Variants in MGST1 observed in about 807,000 individuals in gnomAD.
MGST1 encodes the protein glutathione S-transferase 12.
In MGST1, 5 loss-of-function variants were observed where a neutral mutation model predicts 8.9. The ratio of observed to expected loss-of-function variants is 0.56; its 90% CI spans 0.29 to 1.19. The LOEUF is 1.19. Ranked by LOEUF, MGST1 falls within the 50% of genes most tolerant of loss-of-function variation. The pLI is 0.08. For synonymous variants in MGST1, 54 were observed against 67.8 expected, an observed-to-expected ratio of 0.80 and a Z score of 1.00; for missense variants, 182 against 187.4, an observed-to-expected ratio of 0.97 and a Z score of 0.17.
chr12:16,515,955 G>T (rs1263303623), intron 4 of MGST1, among the ~76,000 whole-genome samples: 2 of 152,166 alleles, frequency 1.3e-5, no homozygotes, highest in African/African-American at 4.8e-5. Flanking sequence ...ACCACCATCT[G>T]CTCTAATTAT....
At chr12:16,489,524 T>C (rs1298757203) in intron 4 of MGST1, among the ~76,000 whole-genome samples, 1 of 152,214 alleles carries the variant, frequency 6.6e-6, no homozygotes, top group African/African-American at 2.4e-5. Context: ...CTGTTTTGGA[T>C]TTCTACAATG....
intron 4 of MGST1, among the ~76,000 whole-genome samples, chr12:16,507,589 A>G (rs2137175297): frequency 6.6e-6 from 1 of 152,294 alleles, no homozygotes; most frequent in Non-Finnish European, 1.5e-5. Context: ...AAGAGGTTTA[A>G]TTGATTCACA....
chr12:16,418,121 CTGAG>C (rs1420257040), intron 1 of MGST1, among the ~76,000 whole-genome samples: 1 of 152,150 alleles, frequency 6.6e-6, no homozygotes, highest in African/African-American at 2.4e-5. Context: ...CTCACAATTA[CTGAG>C]TATCATCCAT....
At chr12:16,540,434 T>C (rs1029742373) in intron 4 of MGST1, among the ~76,000 whole-genome samples, 6 of 152,058 alleles carry the variant, frequency 3.9e-5, no homozygotes, top group African/African-American at 7.2e-5. Flanking sequence ...CAGCTGGTGA[T>C]TGGTGTATAA....
At chr12:16,418,823 T>C (rs1940807686) in intron 1 of MGST1, among the ~76,000 whole-genome samples, 1 of 152,138 alleles carries the variant, frequency 6.6e-6, no homozygotes, top group African/African-American at 2.4e-5. Flanking sequence ...GTCCAGTCCA[T>C]AGTGAGTGCT....
intron 1 of MGST1, among the ~76,000 whole-genome samples, chr12:16,435,932 A>G (rs905861668): frequency 6.6e-6 from 1 of 151,834 alleles, no homozygotes; most frequent in African/African-American, 2.4e-5. Context: ...ATATAGGAAA[A>G]TTGAAAATAT....
At chr12:16,551,189 G>T in intron 4 of MGST1, 1 of 1,299,228 alleles carries the variant, frequency 7.7e-7, no homozygotes, top group Non-Finnish European at 1.1e-6. Context: ...AGAATGTAGT[G>T]CTTTGTATTC....
chr12:16,401,253 C>T lies in MGST1; in HGVS notation n.778+17649C>T. The T allele has an allele frequency of 6.4e-7, 1 of 1,566,304 alleles. No homozygotes were observed. On this transcript the variant is annotated intron_variant and non_coding_transcript_variant, in intron 1 of 1. Transcript: ENST00000359720. The surrounding 1 kb of genome is among the most constrained non-coding windows in gnomAD (Gnocchi z 4.3). ...AGGTTTTCTCTTCTGGCTTTTTCCCCTCCTTGTTAGTCAGGTCTGAGAATC... is the reference window on the plus strand; with the variant it reads ...AGGTTTTCTCTTCTGGCTTTTTCCCTTCCTTGTTAGTCAGGTCTGAGAATC...
chr12:16,489,110 CAAAAT>C (rs1336009001), intron 4 of MGST1, among the ~76,000 whole-genome samples: 1 of 150,858 alleles, frequency 6.6e-6, no homozygotes, highest in Non-Finnish European at 1.5e-5. Flanking sequence ...ATCACCATCT[CAAAAT>C]AAATAAATAA....
At chr12:16,368,050 G>A (rs1437417583), downstream of MGST1, among the ~76,000 whole-genome samples, 2 of 152,058 alleles carry the variant, frequency 1.3e-5, no homozygotes, top group African/African-American at 2.4e-5. Context: ...TTAGCTAGGA[G>A]GTTAACGATC....
chr12:16,580,964 T>G (rs1943140529), intron 4 of MGST1, among the ~76,000 whole-genome samples: 1 of 152,220 alleles, frequency 6.6e-6, no homozygotes, highest in Non-Finnish European at 1.5e-5. Context: ...CATTCAGTCA[T>G]CCCTCAAGTT....
At chr12:16,378,806 C>A (rs368747689), downstream of MGST1, among the ~76,000 whole-genome samples, 11 of 146,750 alleles carry the variant, frequency 7.5e-5, no homozygotes, top group South Asian at 4.4e-4. Flanking sequence ...ATTTGTTTGT[C>A]TCCTCTTTTA....
In MGST1 at chr12:16,389,543, C is replaced by G. The variant is rs541321249; in HGVS notation, n.778+5939C>G. 2.6e-5 allele frequency among the ~76,000 whole-genome samples: 4 copies of G among 152,068 alleles called. No homozygotes were observed. The highest frequency in any genetic ancestry group is 1.3e-4 in the Admixed American group (2 of 15,266). ...ATTTAAAATATTGGGTTTTCCCTGC[C>G]CTTCTTAGGATAGCCAGTAGAAAAA... On this transcript the variant is annotated intron_variant and non_coding_transcript_variant, in intron 1 of 1. Coordinates refer to the MGST1 transcript ENST00000359720. The surrounding 1 kb of genome is among the most constrained non-coding windows in gnomAD (Gnocchi z 4.6).
intron 4 of MGST1, among the ~76,000 whole-genome samples, chr12:16,540,644 T>C (rs1941787440): frequency 6.6e-6 from 1 of 152,166 alleles, no homozygotes; most frequent in Non-Finnish European, 1.5e-5. Flanking sequence ...AAAAATTGTA[T>C]TTGAGGCAAG....
At chr12:16,543,401 T>C (rs1476858972) in intron 4 of MGST1, among the ~76,000 whole-genome samples, 3 of 152,134 alleles carry the variant, frequency 2.0e-5, no homozygotes, top group African/African-American at 7.2e-5. Flanking sequence ...GTATTTCACT[T>C]AGAAGAAATT....
At chr12:16,501,098 G>GAAAA (rs71054822) in intron 4 of MGST1, among the ~76,000 whole-genome samples, 199 of 83,054 alleles carry the variant, frequency 2.4e-3, no homozygotes, top group African/African-American at 3.6e-3. Context: ...ACTCTGTCTC[G>GAAAA]AAAAAAAAAA....
At chr12:16,365,861 A>G (rs553835943), downstream of MGST1, among the ~76,000 whole-genome samples, 6 of 152,328 alleles carry the variant, frequency 3.9e-5, no homozygotes, top group South Asian at 8.3e-4. Context: ...GCTTTTCTGT[A>G]TGTGGAGCAA....
chr12:16,476,143 T>C (rs979611716), intron 4 of MGST1, among the ~76,000 whole-genome samples: 3 of 151,908 alleles, frequency 2.0e-5, no homozygotes, highest in African/African-American at 4.8e-5. Flanking sequence ...AGAATAACCA[T>C]AGGGAATGCA....
intron 4 of MGST1, chr12:16,550,473 C>A (rs563913850): frequency 6.6e-6 from 1 of 152,408 alleles, no homozygotes; most frequent in Non-Finnish European, 1.5e-5. Flanking sequence ...TAAAAGGAAA[C>A]CTGTTAAGCT....
Sources: allele counts gnomAD v4.1 joint callset (sites outside exome capture counted in the v4.1 genomes callset), GRCh38; gene constraint gnomAD v4.1.1; non-coding constraint Gnocchi (gnomAD v3.1); transcripts MANE v1.5; gene names NCBI Gene and HGNC (gene_info 2026-07-23, HGNC 2026-07-21).